The following SYN3 variants were observed in gnomAD, a reference collection of about 807,000 sequenced individuals.
The protein encoded by SYN3 is synapsin-3.
SYN3 carries 35 observed loss-of-function variants against 65.8 expected under a neutral mutation model. The ratio of observed to expected loss-of-function variants is 0.53; its 90% CI spans 0.41 to 0.70. The LOEUF (loss-of-function observed/expected upper bound fraction) is 0.70. Among genes scored for constraint, SYN3 ranks in the 30% least tolerant of loss-of-function variants. The pLI is 0.00. For missense variants in SYN3, 680 were observed against 749.0 expected (o/e 0.91, Z 1.08); for synonymous variants, 270 against 292.9 (o/e 0.92, Z 0.80).
At chr22:32,912,334 C>T (rs1403476512) in intron 4 of SYN3, among the ~76,000 whole-genome samples, 1 of 151,878 alleles carries the variant, frequency 6.6e-6, no homozygotes, top group African/African-American at 2.4e-5. Flanking sequence ...AAACAGAATA[C>T]GTGGGGCCTG....
intron 6 of SYN3, among the ~76,000 whole-genome samples, chr22:32,843,659 TC>T (rs2047979106): frequency 6.6e-6 from 1 of 152,098 alleles, no homozygotes; most frequent in African/African-American, 2.4e-5. Flanking sequence ...TTCCAACACT[TC>T]CAGATCCCTC....
chr22:32,930,529 T>C (rs1453137507), intron 4 of SYN3, among the ~76,000 whole-genome samples: 3 of 152,110 alleles, frequency 2.0e-5, no homozygotes, highest in Non-Finnish European at 4.4e-5. Flanking sequence ...TTTGGATCTG[T>C]CTTTATTTGC....
chr22:32,891,772 C>T (rs1055563199), intron 4 of SYN3, among the ~76,000 whole-genome samples: 1 of 152,056 alleles, frequency 6.6e-6, no homozygotes, highest in African/African-American at 2.4e-5. Flanking sequence ...ACTCATTCAG[C>T]CCCCTTTTCC....
chr22:32,701,692 C>A (rs1349570225), intron 6 of SYN3, among the ~76,000 whole-genome samples: 1 of 152,076 alleles, frequency 6.6e-6, no homozygotes, highest in Non-Finnish European at 1.5e-5. Context: ...TAGAAGACAA[C>A]TGAAGTTGAA....
intron 6 of SYN3, among the ~76,000 whole-genome samples, chr22:32,737,345 T>C (rs923355226): frequency 2.0e-5 from 3 of 152,220 alleles, no homozygotes; most frequent in African/African-American, 7.2e-5. Flanking sequence ...CTTTAAGTTT[T>C]AGGGTACATG....
At chr22:32,554,191 C>T (rs1331747643) in intron 7 of SYN3, among the ~76,000 whole-genome samples, 1 of 152,144 alleles carries the variant, frequency 6.6e-6, no homozygotes, top group African/African-American at 2.4e-5. Flanking sequence ...CTTGGTCCTG[C>T]CTCAGTGACT....
At chr22:32,705,846 G>A (rs2060874018) in intron 6 of SYN3, among the ~76,000 whole-genome samples, 3 of 152,138 alleles carry the variant, frequency 2.0e-5, no homozygotes, top group South Asian at 4.1e-4. Flanking sequence ...TCCTGATTTG[G>A]CTCTCAGCTT....
chr22:32,919,418 C>A (rs1330767680), intron 4 of SYN3, among the ~76,000 whole-genome samples: 2 of 152,196 alleles, frequency 1.3e-5, no homozygotes, highest in African/African-American at 4.8e-5. Flanking sequence ...CTATTTCATT[C>A]ACCACTGTAC....
intron 1 of SYN3, among the ~76,000 whole-genome samples, chr22:33,010,916 CT>C (rs2053335156): frequency 6.6e-6 from 1 of 152,112 alleles, no homozygotes; most frequent in Non-Finnish European, 1.5e-5. Context: ...CATTTGTTTG[CT>C]GCTAGTATAA....
At chr22:32,533,232 A>G (rs1403585226) in intron 10 of SYN3, among the ~76,000 whole-genome samples, 3 of 151,664 alleles carry the variant, frequency 2.0e-5, no homozygotes, top group African/African-American at 7.3e-5. Context: ...CCCTCTATTC[A>G]TGCCCCTGTA....
intron 2 of SYN3, among the ~76,000 whole-genome samples, chr22:32,983,990 T>C (rs563684858): frequency 2.0e-5 from 3 of 151,750 alleles, no homozygotes; most frequent in African/African-American, 7.2e-5. Flanking sequence ...AAACCCCATC[T>C]CTACTAAAAA....
chr22:33,027,666 AAAAG>A (rs760531339), intron 1 of SYN3, among the ~76,000 whole-genome samples: 5 of 151,894 alleles, frequency 3.3e-5, no homozygotes, highest in Non-Finnish European at 5.9e-5. Context: ...AAAAGAAAGA[AAAAG>A]AAAGAAAAGA....
chr22:33,035,335 C>CCG (rs2053836347), intron 1 of SYN3, among the ~76,000 whole-genome samples: 1 of 75,684 alleles, frequency 1.3e-5, no homozygotes, highest in African/African-American at 4.5e-5. Flanking sequence ...TCGGGACCCC[C>CCG]CCCCCCCCCG....
chr22:32,962,129 C>CTCT (rs1164668712), intron 3 of SYN3, among the ~76,000 whole-genome samples: 111 of 107,212 alleles, frequency 1.0e-3, no homozygotes, highest in African/African-American at 3.0e-3. Context: ...TTTAGAATCT[C>CTCT]TTTTTTTTTT....
chr22:32,739,173 CAG>C (rs1491131130), intron 6 of SYN3, among the ~76,000 whole-genome samples: 10 of 128,320 alleles, frequency 7.8e-5, no homozygotes, highest in South Asian at 6.7e-4. Flanking sequence ...AATTGAATCA[CAG>C]GGGGGGGGCG....
chr22:32,703,881 A>G (rs1200694573), intron 6 of SYN3, among the ~76,000 whole-genome samples: 1 of 152,218 alleles, frequency 6.6e-6, no homozygotes, highest in African/African-American at 2.4e-5. Context: ...GATAAAAATC[A>G]TTGAAATATT....
Position 32,528,915 on chromosome 22 carries a change from G to A in SYN3, c.1189C>T (p.Pro397Ser). The A allele has an allele frequency of 1.9e-6, 3 of 1,614,144 alleles. No homozygotes were observed. Among genetic ancestry groups the A allele is most frequent in the Non-Finnish European group, 2.5e-6 (3 of 1,180,042 alleles). Residue 397 changes from proline to serine, a missense_variant, in exon 11 of 14, where the codon CCG becomes TCG. By Grantham distance (74) the Pro-to-Ser change is moderately conservative. Coordinates refer to ENST00000358763, the MANE Select transcript of SYN3 (RefSeq NM_003490.4). The part of the protein sequence containing the change: ...DLVVSKMSQL[P>S]MPGGTAPSPL... ...GAGGGCGCTGTGCCTCCTGGCATCG[G>A]GAGCTGGCTCATTTTGGAGACAACA...
intron 6 of SYN3, among the ~76,000 whole-genome samples, chr22:32,780,925 C>CTTTCCT (rs1311623363): frequency 8.2e-6 from 1 of 121,584 alleles, no homozygotes; most frequent in Non-Finnish European, 1.7e-5. Context: ...TCCTTCCTTC[C>CTTTCCT]TTCCTTCCTT....
chr22:32,729,323 T>A (rs914175454), intron 6 of SYN3, among the ~76,000 whole-genome samples: 4 of 152,210 alleles, frequency 2.6e-5, no homozygotes, highest in African/African-American at 9.6e-5. Context: ...GGCAAAAGCG[T>A]GATCCCGATT....
Sources: allele counts gnomAD v4.1 joint callset (sites outside exome capture counted in the v4.1 genomes callset), GRCh38; gene constraint gnomAD v4.1.1; transcripts MANE v1.5; gene names NCBI Gene and HGNC (gene_info 2026-07-23, HGNC 2026-07-21).